The following TACC2 variants were observed in gnomAD, a reference collection of about 807,000 sequenced individuals.
TACC2 encodes transforming acidic coiled-coil-containing protein 2.
TACC2 carries 137 observed loss-of-function variants against 227.3 expected under a neutral mutation model. The ratio of observed to expected loss-of-function variants is 0.60; its 90% CI spans 0.52 to 0.69. The LOEUF is 0.69. TACC2 is among the 30% of genes least tolerant of loss of function. TACC2 has a pLI of 0.00. For missense variants in TACC2, 3,470 were observed against 3,694.4 expected, an observed-to-expected ratio of 0.94 and a Z score of 1.57; for synonymous variants, 1,523 against 1,487.5, an observed-to-expected ratio of 1.02 and a Z score of -0.55.
At chr10:122,185,376 A>G (rs1488555678) in intron 7 of TACC2, among the ~76,000 whole-genome samples, 2 of 151,428 alleles carry the variant, frequency 1.3e-5, no homozygotes, top group Non-Finnish European at 2.9e-5. Context: ...TTGTATTTTT[A>G]GTAGAGATGG....
intron 1 of TACC2, among the ~76,000 whole-genome samples, chr10:121,992,611 G>A (rs1330276674): frequency 6.6e-6 from 1 of 152,168 alleles, no homozygotes; most frequent in Non-Finnish European, 1.5e-5. Flanking sequence ...TCTGCCTGAT[G>A]AAATGGAAGT....
intron 5 of TACC2, among the ~76,000 whole-genome samples, chr10:122,090,439 C>T (rs1172951042): frequency 4.7e-5 from 7 of 149,152 alleles, no homozygotes; most frequent in South Asian, 4.3e-4. Flanking sequence ...CCCAGCTACT[C>T]GGGAGGCTGA....
At chr10:122,131,587 AG>A (rs2088114460) in intron 5 of TACC2, among the ~76,000 whole-genome samples, 1 of 152,234 alleles carries the variant, frequency 6.6e-6, no homozygotes, top group Non-Finnish European at 1.5e-5. Flanking sequence ...ATAAAACTCA[AG>A]GCTGGGGTTT....
intron 2 of TACC2, among the ~76,000 whole-genome samples, chr10:122,039,071 G>T (rs1158996138): frequency 6.6e-6 from 1 of 152,182 alleles, no homozygotes; most frequent in Non-Finnish European, 1.5e-5. Flanking sequence ...TGCCTCCTGG[G>T]TTCAAATGAT....
Position 122,230,449 on chromosome 10 carries a change from T to G in TACC2, c.8127+9T>G. 6.2e-7 allele frequency: 1 copy of G among 1,613,562 alleles called. No individual in the cohort carries two copies. The highest frequency in any genetic ancestry group is 8.5e-7 in the Non-Finnish European group (1 of 1,179,564). ...GCCACCAGGATGCCAAGGTACCGGT[T>G]TGCTGCTGCGTGCGCCACCTCCTGA... On this transcript the variant is annotated intron_variant, in intron 16 of 22. Coordinates refer to ENST00000369005, the MANE Select transcript of TACC2 (RefSeq NM_206862.4).
At position 122,061,000 on chromosome 10, in the gene TACC2, CAA is replaced by C. The variant is rs1168443960; in HGVS notation, c.146+10468_146+10469del. Among the ~76,000 whole-genome samples the C allele has an allele frequency of 7.9e-3, 1,037 of 130,646 alleles. 20 individuals are homozygous for C. Among genetic ancestry groups the C allele is most frequent in the African/African-American group, 0.031 (956 of 30,360 alleles). 85.7% of individuals were successfully genotyped at this position (130,646 alleles called of 152,430 possible). A position where few individuals can be genotyped will look rare whatever the true frequency, so the allele number is the denominator to read the frequency against. On this transcript the variant is annotated intron_variant, in intron 3 of 22. Coordinates refer to ENST00000369005, the MANE Select transcript of TACC2 (RefSeq NM_206862.4). ...AGCCTGGGCAACAGAGACTCCATCT[CAA>C]AAAAAAAAAAAAAAAAAGGGGGGGG... is the stretch of plus-strand genomic sequence containing the variant.
chr10:121,995,563 G>A (rs1953347148), intron 1 of TACC2, among the ~76,000 whole-genome samples: 1 of 152,136 alleles, frequency 6.6e-6, no homozygotes, highest in African/African-American at 2.4e-5. Flanking sequence ...TGCTGTAAAG[G>A]AACACCTGAG....
chr10:122,125,505 C>T (rs1488413509), intron 5 of TACC2, among the ~76,000 whole-genome samples: 6 of 151,964 alleles, frequency 3.9e-5, no homozygotes, highest in African/African-American at 1.5e-4. Context: ...CGTCCCATGA[C>T]CTTTATGAGT....
At chr10:122,132,482 G>C (rs1308504445) in intron 5 of TACC2, 127 bp from the exon 6 acceptor site, 1 of 1,127,912 alleles carries the variant, frequency 8.9e-7, no homozygotes, top group East Asian at 2.4e-5. Context: ...CCTGGAGACA[G>C]AGTTTGCAGT....
intron 2 of TACC2, among the ~76,000 whole-genome samples, chr10:122,040,174 T>C (rs1292560502): frequency 6.6e-6 from 1 of 152,134 alleles, no homozygotes; most frequent in Non-Finnish European, 1.5e-5. Flanking sequence ...GAGAAATGTA[T>C]AACCACGGCT....
chr10:122,136,704 C>T (rs1398182867), intron 6 of TACC2, among the ~76,000 whole-genome samples: 1 of 151,954 alleles, frequency 6.6e-6, no homozygotes, highest in African/African-American at 2.4e-5. Flanking sequence ...CAGGCGTGCA[C>T]CACCATGTCT....
At chr10:122,118,786 G>A (rs1207765462) in intron 5 of TACC2, among the ~76,000 whole-genome samples, 1 of 152,180 alleles carries the variant, frequency 6.6e-6, no homozygotes, top group African/African-American at 2.4e-5. Flanking sequence ...TTTGTTGTTT[G>A]TGGGCTGAGT....
chr10:122,181,356 G>A (rs920879654), intron 7 of TACC2, among the ~76,000 whole-genome samples: 7 of 152,284 alleles, frequency 4.6e-5, no homozygotes, highest in African/African-American at 9.6e-5. Flanking sequence ...GAGCATGGCC[G>A]TGCTTTATGT....
chr10:122,032,972 A>AAACAACAACAACAAC (rs5788528), intron 2 of TACC2: 3 of 461,186 alleles, frequency 6.5e-6, no homozygotes, highest in East Asian at 7.4e-5. Context: ...CAAAACAACA[A>AAACAACAACAACAAC]AACAACAACA....
chr10:122,242,008 G>A lies in TACC2; in HGVS notation c.8392+7G>A, dbSNP rs766251255. The A allele has an allele frequency of 3.1e-6, 5 of 1,613,978 alleles. No individual in the cohort carries two copies. Among genetic ancestry groups the A allele is most frequent in the Middle Eastern group, 1.6e-4 (1 of 6,062 alleles). On this transcript the variant is annotated splice_region_variant and intron_variant, in intron 19 of 22. Coordinates refer to ENST00000369005, the MANE Select transcript of TACC2 (RefSeq NM_206862.4). ...ACCATCGCTCAGATGATAGGTAGGT[G>A]TCCTGACCTGCGGGGGCTCAGGCCG...
At chr10:122,119,307 A>T (rs2085289773) in intron 5 of TACC2, among the ~76,000 whole-genome samples, 1 of 152,196 alleles carries the variant, frequency 6.6e-6, no homozygotes, top group African/African-American at 2.4e-5. Context: ...ATAAATGGCG[A>T]GTAAGTGGCA....
rs1261614153 is a variant in TACC2, at chr10:122,194,084, A to G, written c.5835-956A>G. On this transcript the variant is annotated intron_variant, in intron 7 of 22. Transcript: ENST00000369005. This position sits in a 1 kb window ranked among gnomAD's most constrained non-coding sequence, Gnocchi z 4.4. ...AGGCACATGCCACCAAGCCTGGGTA[A>G]TTTTTTATTTTTATCTTTTTATAGA... Among the ~76,000 whole-genome samples, 5 of 152,130 alleles carry G rather than the reference A, an allele frequency of 3.3e-5. No homozygotes were observed. In the South Asian group the frequency reaches 6.2e-4, roughly 19 times the overall value.
intron 8 of TACC2, among the ~76,000 whole-genome samples, chr10:122,203,603 G>A (rs1565605306): frequency 2.0e-5 from 3 of 151,870 alleles, no homozygotes; most frequent in Admixed American, 6.6e-5. Context: ...GAAGATGGGC[G>A]GCCGGGCAGA....
intron 3 of TACC2, among the ~76,000 whole-genome samples, chr10:122,074,439 T>G (rs921481644): frequency 2.6e-5 from 4 of 152,278 alleles, no homozygotes; most frequent in Non-Finnish European, 4.4e-5. Flanking sequence ...AGTTTGGTTT[T>G]TAAAAGCCCT....
Sources: gnomAD v4.1 joint callset for allele counts (sites outside exome capture counted in the v4.1 genomes callset) on GRCh38, gnomAD v4.1.1 for gene constraint, Gnocchi (gnomAD v3.1) non-coding constraint, MANE v1.5 for transcripts, NCBI Gene and HGNC (gene_info 2026-07-23, HGNC 2026-07-21) for gene names.